The following FBXW11 variants were observed in gnomAD, a reference collection of about 807,000 sequenced individuals.
The protein encoded by FBXW11 is F-box/WD repeat-containing protein 11.
Under a neutral mutation model 77.6 loss-of-function variants are expected in FBXW11, and 19 were observed. The ratio of observed to expected loss-of-function variants is 0.24; its 90% CI spans 0.17 to 0.36. The LOEUF is 0.36. Among genes scored for constraint, FBXW11 ranks in the 10% least tolerant of loss-of-function variants. The pLI is 1.00. For missense variants in FBXW11, 334 were observed against 704.2 expected, an observed-to-expected ratio of 0.47 and a Z score of 5.95; for synonymous variants, 235 against 249.4, an observed-to-expected ratio of 0.94 and a Z score of 0.54.
intron 4 of FBXW11, 89 bp from the exon 5 acceptor site, chr5:171,900,189 A>C (rs1760019309): frequency 8.8e-7 from 1 of 1,140,552 alleles, no homozygotes; most frequent in Non-Finnish European, 1.2e-6. Flanking sequence ...GAATAAAGAA[A>C]TCCTGAACCA....
chr5:171,966,343 A>G (rs552783094), intron 1 of FBXW11, among the ~76,000 whole-genome samples: 135 of 150,704 alleles, frequency 9.0e-4, no homozygotes, highest in African/African-American at 3.1e-3. Flanking sequence ...AATCCAAAGG[A>G]AAAAAAAAAT....
intron 7 of FBXW11, among the ~76,000 whole-genome samples, chr5:171,880,787 C>T (rs1758446711): frequency 6.6e-6 from 1 of 152,134 alleles, no homozygotes; most frequent in South Asian, 2.1e-4. Context: ...ACCTCCGCCT[C>T]CCAAGTTCAA....
intron 1 of FBXW11, among the ~76,000 whole-genome samples, chr5:171,985,845 G>A (rs1450660149): frequency 2.6e-5 from 4 of 152,270 alleles, no homozygotes; most frequent in South Asian, 4.1e-4. Flanking sequence ...TACTTGGGAG[G>A]CTAAGGCAGG....
chr5:171,988,467 C>T (rs1404929878), intron 1 of FBXW11, among the ~76,000 whole-genome samples: 1 of 152,080 alleles, frequency 6.6e-6, no homozygotes, highest in Non-Finnish European at 1.5e-5. Context: ...TGATTGTTAA[C>T]ACTGAATAAA....
At chr5:171,877,580 C>T (rs890216204) in intron 8 of FBXW11, among the ~76,000 whole-genome samples, 4 of 152,206 alleles carry the variant, frequency 2.6e-5, no homozygotes, top group Non-Finnish European at 5.9e-5. Context: ...GAGGCTGAGA[C>T]ATGATCTCTG....
intron 13 of FBXW11, among the ~76,000 whole-genome samples, chr5:171,867,137 G>A (rs1272170445): frequency 6.6e-6 from 1 of 152,176 alleles, no homozygotes; most frequent in Non-Finnish European, 1.5e-5. Flanking sequence ...TCCTGATGTA[G>A]ACCCTTGGTT....
At chr5:171,902,026 C>T (rs1338758399) in intron 4 of FBXW11, among the ~76,000 whole-genome samples, 2 of 152,270 alleles carry the variant, frequency 1.3e-5, no homozygotes, top group Non-Finnish European at 2.9e-5. Flanking sequence ...ATAATATTTC[C>T]CTCCAAGCTA....
chr5:171,866,883 A>C (rs1246323981), intron 13 of FBXW11, among the ~76,000 whole-genome samples: 1 of 152,212 alleles, frequency 6.6e-6, no homozygotes, highest in Admixed American at 6.5e-5. Flanking sequence ...TGACTTATGA[A>C]GCATCTATCC....
chr5:171,947,086 T>C (rs1250938060), intron 2 of FBXW11, among the ~76,000 whole-genome samples: 1 of 152,176 alleles, frequency 6.6e-6, no homozygotes, highest in Non-Finnish European at 1.5e-5. Flanking sequence ...GGTGCTGGGA[T>C]TACAGGCGTG....
chr5:171,889,380 T>C (rs1289797145), intron 7 of FBXW11, among the ~76,000 whole-genome samples: 1 of 151,630 alleles, frequency 6.6e-6, no homozygotes, highest in African/African-American at 2.4e-5. Flanking sequence ...ATACAAAAAT[T>C]AGCTGGGCAT....
intron 1 of FBXW11, among the ~76,000 whole-genome samples, chr5:171,995,685 G>A (rs1010573060): frequency 1.4e-4 from 22 of 152,168 alleles, no homozygotes; most frequent in African/African-American, 5.3e-4. Flanking sequence ...ACCAGGGGGC[G>A]GAGCTTGCAA....
chr5:171,986,751 G>A (rs1421781667), intron 1 of FBXW11, among the ~76,000 whole-genome samples: 9 of 151,090 alleles, frequency 6.0e-5, no homozygotes, highest in African/African-American at 1.7e-4. Context: ...AAAAAAATCC[G>A]TGTGGACCAC....
chr5:171,973,308 G>A (rs1041614763), intron 1 of FBXW11, among the ~76,000 whole-genome samples: 1 of 152,016 alleles, frequency 6.6e-6, no homozygotes, highest in African/African-American at 2.4e-5. Context: ...ATAAATAAAT[G>A]GCAAGGAAAA....
At chr5:171,939,699 A>T in intron 2 of FBXW11, among the ~76,000 whole-genome samples, 1 of 129,010 alleles carries the variant, frequency 7.8e-6, no homozygotes, top group Non-Finnish European at 1.6e-5. Flanking sequence ...CCTGTCTCAA[A>T]AAAAAAAAAA....
At chr5:171,980,041 G>A (rs1003332947) in intron 1 of FBXW11, among the ~76,000 whole-genome samples, 3 of 152,202 alleles carry the variant, frequency 2.0e-5, no homozygotes, top group Non-Finnish European at 4.4e-5. Context: ...CTTCAAATAA[G>A]GAAGAGGAAC....
At chr5:171,936,109 T>TAAAAAAAAA (rs61349170) in intron 2 of FBXW11, among the ~76,000 whole-genome samples, 3 of 59,352 alleles carry the variant, frequency 5.1e-5, no homozygotes, top group African/African-American at 1.3e-4. Context: ...AGACTCCATC[T>TAAAAAAAAA]AAAAAAAAAA....
chr5:171,898,969 A>G, intron 6 of FBXW11, 35 bp downstream of exon 6: 1 of 1,353,932 alleles, frequency 7.4e-7, no homozygotes, highest in African/African-American at 1.5e-5. Context: ...AACAAGAAAC[A>G]AAGAGCCCAT....
At chr5:171,877,439 C>T (rs757660762) in intron 8 of FBXW11, among the ~76,000 whole-genome samples, 8 of 152,124 alleles carry the variant, frequency 5.3e-5, no homozygotes, top group Non-Finnish European at 1.2e-4. Flanking sequence ...ATGGACAAAG[C>T]CAGGGTCTCC....
chr5:171,907,472 C>G (rs1481740099), intron 4 of FBXW11, among the ~76,000 whole-genome samples: 1 of 152,114 alleles, frequency 6.6e-6, no homozygotes, highest in Admixed American at 6.6e-5. Context: ...TCCTGTGATG[C>G]TCTTAAAGCA....
Sources: gnomAD v4.1 joint callset for allele counts (sites outside exome capture counted in the v4.1 genomes callset) on GRCh38, gnomAD v4.1.1 for gene constraint, MANE v1.5 for transcripts, NCBI Gene and HGNC (gene_info 2026-07-23, HGNC 2026-07-21) for gene names.